The following TNPO2 variants were observed in gnomAD, a reference collection of about 807,000 sequenced individuals.
TNPO2 encodes the protein transportin-2.
A neutral mutation model predicts 111.1 loss-of-function variants in TNPO2; 16 were observed. The ratio of observed to expected loss-of-function variants is 0.14; its 90% CI spans 0.10 to 0.22. The LOEUF (loss-of-function observed/expected upper bound fraction) is 0.22. Ranked by LOEUF, TNPO2 falls within the 10% of genes least tolerant of loss-of-function variation. The probability of loss-of-function intolerance (pLI) is 1.00; values close to 1 mark genes in which losing one functional copy is unlikely to be tolerated. For synonymous variants in TNPO2, 481 were observed against 475.8 expected, an observed-to-expected ratio of 1.01 and a Z score of -0.14; for missense variants, 530 against 1,173.7, an observed-to-expected ratio of 0.45 and a Z score of 8.01.
intron 5 of TNPO2, among the ~76,000 whole-genome samples, chr19:12,718,533 A>G (rs1177490895): frequency 2.6e-5 from 4 of 151,946 alleles, no homozygotes; most frequent in Non-Finnish European, 4.4e-5. Flanking sequence ...ATTGAACTCA[A>G]CCTCTGGTGA....
chr19:12,702,192 G>A lies in TNPO2; in HGVS notation c.2306-15C>T, dbSNP rs760085512. 8 of 1,610,238 alleles carry A rather than the reference G, an allele frequency of 5.0e-6. No homozygotes were observed. The highest frequency in any genetic ancestry group is 6.8e-6 in the Non-Finnish European group (8 of 1,178,186). ...CGTCAGGCGACCTGCAACCCCGAGC[G>A]GCCCCGGGACGGTACGTGGCGGGGC... On this transcript the variant is annotated splice_polypyrimidine_tract_variant and intron_variant, in intron 21 of 25. Transcript: ENST00000425528. The surrounding 1 kb of genome is among the most constrained non-coding windows in gnomAD (Gnocchi z 5.5).
chr19:12,712,805 G>A (rs910176476), intron 10 of TNPO2, among the ~76,000 whole-genome samples: 8 of 152,254 alleles, frequency 5.3e-5, no homozygotes, highest in African/African-American at 1.2e-4. Flanking sequence ...GTGGTCCCCC[G>A]GGCCCAGCTG....
chr19:12,708,200 T>G (rs553056542), intron 13 of TNPO2, among the ~76,000 whole-genome samples: 1 of 152,224 alleles, frequency 6.6e-6, no homozygotes, highest in South Asian at 2.1e-4. Flanking sequence ...TGGTGTGATC[T>G]CCACTCACTG....
At chr19:12,718,571 C>G (rs1424929850) in intron 5 of TNPO2, among the ~76,000 whole-genome samples, 1 of 152,206 alleles carries the variant, frequency 6.6e-6, no homozygotes, top group South Asian at 2.1e-4. Context: ...CCCAAAGTTG[C>G]TGGGATTACA....
chr19:12,723,083 A>G (rs945111344), intron 2 of TNPO2, among the ~76,000 whole-genome samples, 166 bp downstream of exon 2: 2 of 152,216 alleles, frequency 1.3e-5, no homozygotes, highest in Non-Finnish European at 2.9e-5. Flanking sequence ...AGTGCCTGAG[A>G]CAAGCCGGGT....
intron 13 of TNPO2, among the ~76,000 whole-genome samples, chr19:12,709,279 T>C (rs1378051326): frequency 6.6e-6 from 1 of 151,524 alleles, no homozygotes; most frequent in Non-Finnish European, 1.5e-5. Flanking sequence ...GGAGAATCAC[T>C]TGAACCTGGA....
Position 12,701,224 on chromosome 19 carries a change from A to G in TNPO2, c.*40T>C. 1 of 763,890 alleles carries G rather than the reference A, an allele frequency of 1.3e-6. No individual in the cohort carries two copies. The allele number at this position is 763,890 out of a possible 1,614,324, so 47.3% of individuals were successfully genotyped here. On this transcript the variant is annotated 3_prime_UTR_variant, in exon 26 of 26. Transcript: ENST00000425528. The surrounding 1 kb of genome is among the most constrained non-coding windows in gnomAD (Gnocchi z 5.0). ...AGCGCACTCCCCAGTAATCCCTCCG[A>G]CGACGACGCAGACAGAAACCTGCAG...
rs1261123258 is a variant in TNPO2, at chr19:12,710,672, C to G, written c.1219G>C (p.Glu407Gln). ...PLLKGLLFHPEWVVKESGILV... is the reference protein window; with the variant it reads ...PLLKGLLFHPQWVVKESGILV... ...ATGCCCGACTCCTTGACCACCCACT[C>G]GGGGTGGAAGAGGAGGCCTTTGAGT... The change falls in exon 13 of 26, where the codon GAG becomes CAG. Residue 407 changes from glutamate to glutamine, a missense_variant. Around this residue, in one of 4 missense-constraint regions of TNPO2, gnomAD observed 88 missense variants for 130.2 expected, o/e 0.68. Transcript: ENST00000425528. 2.5e-6 allele frequency: 4 copies of G among 1,613,604 alleles called. No homozygotes were observed. Among genetic ancestry groups the G allele is most frequent in the Non-Finnish European group, 2.5e-6 (3 of 1,179,740 alleles).
chr19:12,708,434 T>TG (rs1377956808), intron 13 of TNPO2, among the ~76,000 whole-genome samples: 2 of 151,300 alleles, frequency 1.3e-5, no homozygotes, highest in East Asian at 1.9e-4. Flanking sequence ...ACCCAGGGTT[T>TG]TTTTTTTTTT....
intron 13 of TNPO2, among the ~76,000 whole-genome samples, chr19:12,709,050 G>A (rs1341055956): frequency 3.3e-4 from 46 of 139,296 alleles, no homozygotes; most frequent in African/African-American, 9.7e-4. Flanking sequence ...AAAAAAAAAA[G>A]AAAAAAAAAA....
intron 10 of TNPO2, among the ~76,000 whole-genome samples, chr19:12,713,303 C>T (rs962197010): frequency 6.6e-6 from 1 of 152,054 alleles, no homozygotes; most frequent in Non-Finnish European, 1.5e-5. Flanking sequence ...TCATCTAGGT[C>T]TCATCACTCC....
rs1408790727 is a variant in TNPO2 at position 12,705,267 on chromosome 19, G to A, written c.1995C>T (p.Ile665=). The part of the protein sequence containing the change: ...HVEQLVARSN[I]MTLLFQCMQD... ...GCATGCACTGGAACAGCAATGTCAT[G>A]ATGTTGCTGCGGGCCACCAGCTGCT... Residue 665 remains isoleucine, a synonymous_variant, in exon 18 of 26, where the codon ATC becomes ATT. Transcript: ENST00000425528. This position sits in a 1 kb window ranked among gnomAD's most constrained non-coding sequence, Gnocchi z 7.2. The A allele has an allele frequency of 5.6e-6, 9 of 1,606,124 alleles. No homozygotes were observed. The highest frequency in any genetic ancestry group is 1.7e-5 in the Admixed American group (1 of 59,102).
Position 12,705,176 on chromosome 19 carries a change from C to T in TNPO2, c.2022+64G>A. On this transcript the variant is annotated intron_variant, in intron 18 of 25. Transcript: ENST00000425528. The surrounding 1 kb of genome is among the most constrained non-coding windows in gnomAD (Gnocchi z 7.2). ...TCCTTTGGGCACAACCAGGCCCTGA[C>T]TCCCCACCAGGGGCAGCCCACGCAG... is the stretch of plus-strand genomic sequence containing the variant. 6.6e-7 allele frequency: 1 copy of T among 1,516,430 alleles called. No homozygotes were observed. Among genetic ancestry groups the T allele is most frequent in the Non-Finnish European group, 9.0e-7 (1 of 1,117,014 alleles). 93.9% of individuals were successfully genotyped at this position (1,516,430 alleles called of 1,614,324 possible).
At chr19:12,722,922 C>G (rs1285598435) in intron 2 of TNPO2, among the ~76,000 whole-genome samples, 5 of 152,210 alleles carry the variant, frequency 3.3e-5, no homozygotes, top group Admixed American at 3.3e-4. Flanking sequence ...AGCCAGCACC[C>G]TCCTTGTCAC....
In TNPO2 at chr19:12,702,931, C is replaced by A. The variant is rs1325510957; in HGVS notation, c.2210-13G>T. Reference sequence around the variant, plus strand: ...TGCATCTCTGCCCCTGGGGGAGCACCCAGTCAGAGCCCTGCACAGCCCCCG... The same window carrying A: ...TGCATCTCTGCCCCTGGGGGAGCACACAGTCAGAGCCCTGCACAGCCCCCG... On this transcript the variant is annotated splice_polypyrimidine_tract_variant and intron_variant, in intron 20 of 25. Transcript: ENST00000425528. The surrounding 1 kb of genome is among the most constrained non-coding windows in gnomAD (Gnocchi z 5.5). 3.1e-6 allele frequency: 5 copies of A among 1,612,738 alleles called. No homozygotes were observed. Among genetic ancestry groups the A allele is most frequent in the Non-Finnish European group, 3.4e-6 (4 of 1,179,020 alleles).
chr19:12,707,396 TG>T (rs1395583164), intron 13 of TNPO2, among the ~76,000 whole-genome samples: 1 of 151,326 alleles, frequency 6.6e-6, no homozygotes, highest in African/African-American at 2.4e-5. Context: ...ACATAGTGAG[TG>T]GGGTTTTATG....
intron 18 of TNPO2, among the ~76,000 whole-genome samples, chr19:12,704,857 A>G (rs909543864): frequency 2.6e-5 from 4 of 151,486 alleles, no homozygotes; most frequent in Non-Finnish European, 4.4e-5. Context: ...TAATTTTTGT[A>G]TTTTTCGTAG....
rs1304958928 is a variant in TNPO2 at position 12,719,358 on chromosome 19, TG to T, written c.100-23del. On this transcript the variant is annotated intron_variant, in intron 3 of 25. Coordinates refer to ENST00000425528, the MANE Select transcript of TNPO2 (RefSeq NM_001382241.1). This position sits in a 1 kb window ranked among gnomAD's most constrained non-coding sequence, Gnocchi z 5.0. ...GTTTCTGCCAGGCTGTTAAGGGACT[TG>T]GAAGACAGAGGCCTTCCCCCAGCCA... is the stretch of plus-strand genomic sequence containing the variant. The T allele has an allele frequency of 2.5e-5, 41 of 1,611,220 alleles. No individual in the cohort carries two copies. Among genetic ancestry groups the T allele is most frequent in the Non-Finnish European group, 3.4e-5 (40 of 1,177,750 alleles).
chr19:12,718,939 C>G, intron 5 of TNPO2, 90 bp downstream of exon 5: 1 of 1,520,250 alleles, frequency 6.6e-7, no homozygotes, highest in South Asian at 1.2e-5. Context: ...ATAGAGGGTG[C>G]CAGAGCATTC....
Sources: allele counts gnomAD v4.1 joint callset (sites outside exome capture counted in the v4.1 genomes callset), GRCh38; gene constraint gnomAD v4.1.1; regional missense constraint gnomAD v4.1.1; non-coding constraint Gnocchi (gnomAD v3.1); transcripts MANE v1.5; gene names NCBI Gene and HGNC (gene_info 2026-07-23, HGNC 2026-07-21).